LHFPL3: variants seen among roughly 807,000 people sequenced by gnomAD.
LHFPL3 encodes LHFPL tetraspan subfamily member 3 protein.
In LHFPL3, 5 loss-of-function variants were observed where a neutral mutation model predicts 19.3. The ratio of observed to expected loss-of-function variants is 0.26; its 90% confidence interval spans 0.14 to 0.54. LHFPL3 has a LOEUF of 0.54. LHFPL3 is among the 20% of genes least tolerant of loss of function. LHFPL3 has a pLI of 0.94. For synonymous variants in LHFPL3, 133 were observed against 126.2 expected (o/e 1.05, Z -0.36); for missense variants, 249 against 307.4 (o/e 0.81, Z 1.42).
At chr7:104,331,898 C>T (rs1801573385) in intron 1 of LHFPL3, among the ~76,000 whole-genome samples, 1 of 151,372 alleles carries the variant, frequency 6.6e-6, no homozygotes, top group Non-Finnish European at 1.5e-5. Context: ...TGCAGTGAGC[C>T]GAGATTGCAC....
intron 2 of LHFPL3, among the ~76,000 whole-genome samples, chr7:104,789,053 AAAT>A (rs748741748): frequency 3.3e-5 from 5 of 152,246 alleles, no homozygotes; most frequent in Non-Finnish European, 7.3e-5. Flanking sequence ...CTTTTTTAAA[AAAT>A]GTGTTTCTTT....
intron 1 of LHFPL3, among the ~76,000 whole-genome samples, chr7:104,551,032 A>G (rs188520109): frequency 3.9e-5 from 6 of 152,198 alleles, no homozygotes; most frequent in African/African-American, 1.4e-4. Flanking sequence ...TGACCTTTTC[A>G]ATAGACTGCA....
chr7:104,485,520 C>T (rs1793220696), intron 1 of LHFPL3, among the ~76,000 whole-genome samples: 2 of 152,032 alleles, frequency 1.3e-5, no homozygotes, highest in South Asian at 4.2e-4. Flanking sequence ...CTTTATCATC[C>T]TTTGGTACTA....
intron 1 of LHFPL3, among the ~76,000 whole-genome samples, chr7:104,655,761 C>T (rs1282010456): frequency 6.6e-6 from 1 of 152,190 alleles, no homozygotes; most frequent in Non-Finnish European, 1.5e-5. Context: ...GAGTTCCACC[C>T]AACCATTCAC....
At chr7:104,681,154 C>CTTTTTTTTT (rs35342944) in intron 1 of LHFPL3, among the ~76,000 whole-genome samples, 57 of 132,590 alleles carry the variant, frequency 4.3e-4, no homozygotes, top group Middle Eastern at 4.0e-3. Flanking sequence ...TTCTTTTCTT[C>CTTTTTTTTT]TTTTTTTTTT....
rs60096495 is a variant in LHFPL3 at position 104,638,763 on chromosome 7, CT to C, written c.446-97898del. 5.9e-3 allele frequency among the ~76,000 whole-genome samples: 837 copies of C among 141,566 alleles called. 37 individuals are homozygous for C. In the East Asian group the frequency reaches 0.12, roughly 20 times the overall value. The allele number at this position is 141,566 out of a possible 152,430, so 92.9% of individuals were successfully genotyped here. A position where few individuals can be genotyped will look rare whatever the true frequency, so the allele number is the denominator to read the frequency against. On this transcript the variant is annotated intron_variant, in intron 1 of 2. Coordinates refer to ENST00000424859, the MANE Select transcript of LHFPL3 (RefSeq NM_199000.3). ...AGCCTACTTGATCATGGTGGGGTAG[CT>C]TTTTTTTTTTTTTCTTGAGACAGAG...
intron 1 of LHFPL3, among the ~76,000 whole-genome samples, chr7:104,513,615 T>A (rs1793864097): frequency 1.3e-5 from 2 of 152,186 alleles, no homozygotes; most frequent in South Asian, 4.1e-4. Context: ...AGGCAATAAT[T>A]AAAGACGGAG....
At chr7:104,523,722 G>T (rs902165683) in intron 1 of LHFPL3, among the ~76,000 whole-genome samples, 7 of 152,206 alleles carry the variant, frequency 4.6e-5, no homozygotes, top group African/African-American at 1.7e-4. Flanking sequence ...TCACTCTTCA[G>T]TGAATAACTG....
chr7:104,460,817 C>A (rs1311615618), intron 1 of LHFPL3, among the ~76,000 whole-genome samples: 1 of 152,108 alleles, frequency 6.6e-6, no homozygotes, highest in Non-Finnish European at 1.5e-5. Flanking sequence ...TTGATAGTTT[C>A]TTTTGCTGTA....
At chr7:104,505,586 G>GA (rs200261590) in intron 1 of LHFPL3, among the ~76,000 whole-genome samples, 58 of 149,148 alleles carry the variant, frequency 3.9e-4, no homozygotes, top group Non-Finnish European at 7.9e-4. Flanking sequence ...TGTTTGATAG[G>GA]AAAAAAAAAA....
intron 1 of LHFPL3, among the ~76,000 whole-genome samples, chr7:104,464,929 A>G (rs1313394935): frequency 6.6e-6 from 1 of 152,154 alleles, no homozygotes; most frequent in Non-Finnish European, 1.5e-5. Context: ...CAGAAAATGG[A>G]GTTTCTTTTC....
chr7:104,472,102 A>G (rs1792921259), intron 1 of LHFPL3, among the ~76,000 whole-genome samples: 1 of 151,668 alleles, frequency 6.6e-6, no homozygotes, highest in Admixed American at 6.6e-5. Flanking sequence ...ACTTGAGCCC[A>G]GGAGGTCGAG....
At chr7:104,518,153 A>G (rs1461835530) in intron 1 of LHFPL3, among the ~76,000 whole-genome samples, 1 of 152,222 alleles carries the variant, frequency 6.6e-6, no homozygotes, top group East Asian at 1.9e-4. Flanking sequence ...AACCACTTTG[A>G]TAATTTATCA....
chr7:104,450,573 G>T (rs1297766219), intron 1 of LHFPL3, among the ~76,000 whole-genome samples: 1 of 152,050 alleles, frequency 6.6e-6, no homozygotes, highest in Non-Finnish European at 1.5e-5. Flanking sequence ...GGGCCTGACA[G>T]GGGGTGGGGG....
chr7:104,603,127 T>TTTCC (rs2115708548), intron 1 of LHFPL3, among the ~76,000 whole-genome samples: 2 of 121,610 alleles, frequency 1.6e-5, no homozygotes, highest in African/African-American at 6.7e-5. Context: ...TCTTTCTTTC[T>TTTCC]TTCTTTTTTC....
Position 104,537,951 on chromosome 7 carries a change from C to T in LHFPL3, c.446-198724C>T, listed in dbSNP as rs571479314. ...GCCAGGGATTGTCTGACCACCTCAA[C>T]GGGCTATACAGATCATAGTGAATAG... On this transcript the variant is annotated intron_variant, in intron 1 of 2. Transcript: ENST00000424859. Among the ~76,000 whole-genome samples the T allele has an allele frequency of 1.6e-4, 25 of 152,252 alleles. No individual in the cohort carries two copies. In the South Asian group the frequency reaches 4.6e-3, roughly 28 times the overall value.
intron 2 of LHFPL3, among the ~76,000 whole-genome samples, chr7:104,884,030 C>G (rs1792101367): frequency 6.6e-6 from 1 of 152,036 alleles, no homozygotes; most frequent in East Asian, 1.9e-4. Flanking sequence ...GGGTCTAGCC[C>G]TGCCTCGTAA....
chr7:104,458,850 A>C (rs569428204), intron 1 of LHFPL3, among the ~76,000 whole-genome samples: 1 of 152,238 alleles, frequency 6.6e-6, no homozygotes, highest in Admixed American at 6.5e-5. Context: ...GCTTTCCATT[A>C]GGTTCTGCTA....
In LHFPL3 at chr7:104,413,707, C is replaced by G. The variant is rs144737399; in HGVS notation, c.445+84483C>G. On this transcript the variant is annotated intron_variant, in intron 1 of 2. Transcript: ENST00000424859. ...GTCCCTCACCTCCAGTGAAGCCTTT[C>G]TAGGCTGGTCCGAACCATCATGCAT... 3.3e-5 allele frequency among the ~76,000 whole-genome samples: 5 copies of G among 152,290 alleles called. No individual in the cohort carries two copies. In the East Asian group the frequency reaches 9.6e-4, roughly 29 times the overall value.
Sources: allele counts gnomAD v4.1 joint callset (sites outside exome capture counted in the v4.1 genomes callset), GRCh38; gene constraint gnomAD v4.1.1; transcripts MANE v1.5; gene names NCBI Gene and HGNC (gene_info 2026-07-23, HGNC 2026-07-21).